Variants in DLG5 observed in about 807,000 individuals in gnomAD.
The protein encoded by DLG5 is discs large MAGUK scaffold protein 5, also known as disks large homolog 5.
In DLG5, 48 loss-of-function variants were observed where a neutral mutation model predicts 189.8. The ratio of observed to expected loss-of-function variants is 0.25; its 90% confidence interval spans 0.20 to 0.32. The LOEUF is 0.32. DLG5 is among the 10% of genes least tolerant of loss of function. The probability of loss-of-function intolerance (pLI) is 1.00; values close to 1 mark genes in which losing one functional copy is unlikely to be tolerated. For synonymous variants in DLG5, 1,016 were observed against 1,054.1 expected, an observed-to-expected ratio of 0.96 and a Z score of 0.70; for missense variants, 2,160 against 2,544.7, an observed-to-expected ratio of 0.85 and a Z score of 3.25.
chr10:77,853,584 AC>A, intron 4 of DLG5, 47 bp from the exon 5 acceptor site: 1 of 1,441,890 alleles, frequency 6.9e-7, no homozygotes, highest in Non-Finnish European at 9.2e-7. Context: ...AGCCCCTCAC[AC>A]CCCGCCCCAC....
chr10:77,820,049 G>C (rs773778735), intron 15 of DLG5, 31 bp from the exon 16 acceptor site: 23 of 1,610,776 alleles, frequency 1.4e-5, no homozygotes, highest in Non-Finnish European at 3.4e-6. Context: ...GTGTCTGCTA[G>C]AAAGAGTGGA....
intron 1 of DLG5, among the ~76,000 whole-genome samples, chr10:77,892,677 A>G (rs1192862006): frequency 6.6e-6 from 1 of 152,222 alleles, no homozygotes; most frequent in Non-Finnish European, 1.5e-5. Flanking sequence ...CCTGGAGACC[A>G]GGGTGGTACC....
rs938440936 is a variant in DLG5 at position 77,792,975 on chromosome 10, A to C, written c.5657-432T>G. The C allele has an allele frequency of 1.6e-5, 3 of 190,852 alleles. No homozygotes were observed. The South Asian group carries it at 3.4e-4, about 21-fold the overall frequency. 11.8% of individuals were successfully genotyped at this position (190,852 alleles called of 1,614,324 possible). ...CAGCCCTGTACTATAGGAGTTTGACAAAGGGGTCTATAGACACCAGGCCAG... is the reference window on the plus strand; with the variant it reads ...CAGCCCTGTACTATAGGAGTTTGACCAAGGGGTCTATAGACACCAGGCCAG... On this transcript the variant is annotated intron_variant, in intron 31 of 31. Transcript: ENST00000372391.
chr10:77,866,927 G>A (rs904046707), intron 2 of DLG5: 2 of 454,260 alleles, frequency 4.4e-6, no homozygotes, highest in African/African-American at 4.0e-5. Flanking sequence ...GTGAACTCAA[G>A]AGGCTTTGCC....
intron 1 of DLG5, among the ~76,000 whole-genome samples, chr10:77,903,566 C>T (rs1311189182): frequency 6.7e-6 from 1 of 148,306 alleles, no homozygotes; most frequent in African/African-American, 2.5e-5. Flanking sequence ...TGCGGTGAGC[C>T]GAGATCGTGA....
In DLG5 at chr10:77,795,952, C is replaced by T. The variant is rs1020813127; in HGVS notation, c.5436+109G>A. ...TCAGACTAACACAACACGGTGGGCT[C>T]ACTGAAGGTCTGAGCCGCTGGGGCA... is the stretch of plus-strand genomic sequence containing the variant. On this transcript the variant is annotated intron_variant, in intron 29 of 31. Coordinates refer to ENST00000372391, the MANE Select transcript of DLG5 (RefSeq NM_004747.4). 4 of 1,511,308 alleles carry T rather than the reference C, an allele frequency of 2.6e-6. No homozygotes were observed. In the African/African-American group the frequency reaches 5.5e-5, roughly 21 times the overall value. The allele number at this position is 1,511,308 out of a possible 1,614,324, so 93.6% of individuals were successfully genotyped here.
intron 13 of DLG5, among the ~76,000 whole-genome samples, chr10:77,825,781 C>T (rs983102403): frequency 1.2e-4 from 18 of 151,866 alleles, no homozygotes; most frequent in Non-Finnish European, 2.6e-4. Context: ...GGTCTCGAAC[C>T]CCTGAACTAA....
intron 2 of DLG5, among the ~76,000 whole-genome samples, chr10:77,858,455 C>T (rs1334046112): frequency 2.0e-5 from 3 of 151,894 alleles, no homozygotes; most frequent in East Asian, 3.9e-4. Flanking sequence ...GGCAACATGG[C>T]GAAACCCCGT....
chr10:77,911,715 G>C (rs1040658087), intron 1 of DLG5, among the ~76,000 whole-genome samples: 6 of 152,112 alleles, frequency 3.9e-5, no homozygotes, highest in African/African-American at 1.4e-4. Flanking sequence ...ACCCTGGCTT[G>C]AGGTGGCCAC....
At chr10:77,847,250 C>T (rs979745755) in intron 5 of DLG5, among the ~76,000 whole-genome samples, 1 of 152,114 alleles carries the variant, frequency 6.6e-6, no homozygotes, top group Admixed American at 6.5e-5. Context: ...GATCAGGCCC[C>T]GTACTGCTTG....
chr10:77,820,241 G>C (rs747487149), intron 15 of DLG5: 5 of 513,452 alleles, frequency 9.7e-6, no homozygotes, highest in African/African-American at 2.0e-5. Flanking sequence ...AGCTACTTGG[G>C]AGGCTGAGGC....
chr10:77,824,737 C>A, intron 13 of DLG5: 1 of 412,634 alleles, frequency 2.4e-6, no homozygotes, highest in Non-Finnish European at 4.3e-6. Flanking sequence ...ACCGAGGACC[C>A]GGAGGGAACA....
At chr10:77,863,620 C>G (rs7895188) in intron 2 of DLG5, among the ~76,000 whole-genome samples, 41,923 of 152,200 alleles carry the variant, frequency 0.28, 6,431 homozygotes, top group Non-Finnish European at 0.35. Flanking sequence ...CAGTTCTAAC[C>G]TTGTGCAGTT....
At chr10:77,795,769 C>T (rs566065108) in intron 29 of DLG5, among the ~76,000 whole-genome samples, 104 of 152,244 alleles carry the variant, frequency 6.8e-4, no homozygotes, top group Non-Finnish European at 1.2e-3. Context: ...GAGGCCTTTC[C>T]GCAGAGCTCA....
At chr10:77,848,505 C>T (rs1184967474) in intron 5 of DLG5, among the ~76,000 whole-genome samples, 2 of 152,048 alleles carry the variant, frequency 1.3e-5, no homozygotes, top group East Asian at 3.9e-4. Flanking sequence ...ACCTGTAAGG[C>T]TCAAACTTCA....
rs745324691 is a variant in DLG5 at position 77,821,112 on chromosome 10, A to T, written c.3372T>A (p.Ala1124=). 11 of 1,613,626 alleles carry T rather than the reference A, an allele frequency of 6.8e-6. No homozygotes were observed. In the Admixed American group the frequency reaches 1.3e-4, roughly 20 times the overall value. ...KSAPSFRPKL[A]PVVIPAQFLE... is the part of the protein sequence containing the mutation. ...GGAACTGAGCAGGAATCACTACTGG[A>T]GCAAGCTTCGGCCGAAAACTGGGAG... The change falls in exon 15 of 32, where the codon GCT becomes GCA. Residue 1124 remains alanine, a synonymous_variant. Coordinates refer to ENST00000372391, the MANE Select transcript of DLG5 (RefSeq NM_004747.4).
chr10:77,933,311 A>G, the DLG5 span, among the ~76,000 whole-genome samples: 1 of 151,096 alleles, frequency 6.6e-6, no homozygotes, highest in Non-Finnish European at 1.5e-5. Context: ...TTTGAGATAG[A>G]GTCTCGCTCT....
In DLG5 at chr10:77,869,907, G is replaced by A. The variant is rs192292949; in HGVS notation, c.305-710C>T. Among the ~76,000 whole-genome samples, 74 of 152,076 alleles carry A rather than the reference G, an allele frequency of 4.9e-4. 1 individual carries two copies. The highest frequency in any genetic ancestry group is 1.7e-3 in the African/African-American group (70 of 41,508). ...ACCTAGCTCTATGTAGGTGCCCATA[G>A]CTGGGTCGTGCTGAGCAAGTAGCTT... On this transcript the variant is annotated intron_variant, in intron 1 of 31. Transcript: ENST00000372391.
At chr10:77,827,685 G>A (rs1282302924) in intron 13 of DLG5, among the ~76,000 whole-genome samples, 1 of 152,180 alleles carries the variant, frequency 6.6e-6, no homozygotes, top group East Asian at 1.9e-4. Flanking sequence ...TGCAATTGCA[G>A]ACCCTGAAAA....
Sources: allele counts gnomAD v4.1 joint callset (sites outside exome capture counted in the v4.1 genomes callset), GRCh38; gene constraint gnomAD v4.1.1; transcripts MANE v1.5; gene names NCBI Gene and HGNC (gene_info 2026-07-23, HGNC 2026-07-21).